Variants in CNTNAP2 observed in about 807,000 individuals in gnomAD.
The protein encoded by CNTNAP2 is contactin-associated protein-like 2.
CNTNAP2 carries 98 observed loss-of-function variants against 155.2 expected under a neutral mutation model. That is an observed-to-expected ratio of 0.63 (90% CI 0.54 to 0.75). The LOEUF is 0.75. Ranked by LOEUF, CNTNAP2 falls within the 30% of genes least tolerant of loss-of-function variation. CNTNAP2 has a pLI of 0.00. For missense variants in CNTNAP2, 1,727 were observed against 1,688.1 expected (o/e 1.02, Z -0.40); for synonymous variants, 651 against 631.2 (o/e 1.03, Z -0.47).
chr7:148,380,011 C>T (rs1164840914), intron 21 of CNTNAP2, among the ~76,000 whole-genome samples: 2 of 152,198 alleles, frequency 1.3e-5, no homozygotes, highest in African/African-American at 4.8e-5. Context: ...TAACGTATTA[C>T]CCGGAATTGT....
intron 12 of CNTNAP2, among the ~76,000 whole-genome samples, chr7:147,627,934 A>G (rs1013316406): frequency 4.1e-5 from 3 of 72,796 alleles, no homozygotes; most frequent in African/African-American, 1.7e-4. Flanking sequence ...CAAAGACAAG[A>G]AAAAAAAAAG....
chr7:148,296,420 G>A (rs1301860023), intron 21 of CNTNAP2, among the ~76,000 whole-genome samples: 10 of 151,462 alleles, frequency 6.6e-5, no homozygotes, highest in East Asian at 1.9e-4. Flanking sequence ...AGTGGCATAC[G>A]CCTGTAGTCC....
At chr7:147,956,300 CAAAA>C (rs11302995) in intron 14 of CNTNAP2, among the ~76,000 whole-genome samples, 3 of 139,208 alleles carry the variant, frequency 2.2e-5, no homozygotes, top group Non-Finnish European at 1.6e-5. Context: ...TGGCAGGGGG[CAAAA>C]AAAAAAAAAA....
At chr7:146,156,055 A>G (rs1798121371) in intron 1 of CNTNAP2, among the ~76,000 whole-genome samples, 1 of 152,090 alleles carries the variant, frequency 6.6e-6, no homozygotes, top group Non-Finnish European at 1.5e-5. Flanking sequence ...TATATCAGTC[A>G]TCCTAGAACA....
In CNTNAP2 at chr7:146,979,104, CT is replaced by C. The variant is rs939923388; in HGVS notation, c.403-64800del. Among the ~76,000 whole-genome samples the C allele has an allele frequency of 1.8e-4, 28 of 152,260 alleles. 1 individual carries two copies. The highest frequency in any genetic ancestry group is 5.8e-4 in the African/African-American group (24 of 41,574). ...GTCCAAACACCTGAGAATCAAGTGA[CT>C]TTCCCCCAGTATTGATTTTGTTAGT... On this transcript the variant is annotated intron_variant, in intron 3 of 23. Transcript: ENST00000361727.
chr7:147,894,756 A>G (rs886481802), intron 13 of CNTNAP2, among the ~76,000 whole-genome samples: 3 of 151,996 alleles, frequency 2.0e-5, no homozygotes, highest in Non-Finnish European at 2.9e-5. Flanking sequence ...CGCCAGGATC[A>G]TATTTATTTA....
intron 12 of CNTNAP2, among the ~76,000 whole-genome samples, chr7:147,620,848 C>T (rs539321983): frequency 5.9e-5 from 9 of 151,820 alleles, no homozygotes; most frequent in Non-Finnish European, 1.2e-4. Flanking sequence ...AATAACAAAA[C>T]CCTAGGGAAA....
chr7:146,275,357 A>C (rs1800147471), intron 1 of CNTNAP2, among the ~76,000 whole-genome samples: 1 of 152,204 alleles, frequency 6.6e-6, no homozygotes, highest in Admixed American at 6.5e-5. Context: ...ATTCAAACCC[A>C]GATCTTCTGA....
At chr7:146,190,171 A>C (rs2116850375) in intron 1 of CNTNAP2, among the ~76,000 whole-genome samples, 1 of 152,314 alleles carries the variant, frequency 6.6e-6, no homozygotes, top group African/African-American at 2.4e-5. Context: ...TCGTTTGTTA[A>C]TTAGGAGACT....
At chr7:146,391,986 A>G (rs900726022) in intron 1 of CNTNAP2, among the ~76,000 whole-genome samples, 1 of 152,194 alleles carries the variant, frequency 6.6e-6, no homozygotes, top group Non-Finnish European at 1.5e-5. Context: ...AACTTAAAAT[A>G]AAAGTTAAAG....
At chr7:146,229,135 G>T (rs1191397649) in intron 1 of CNTNAP2, among the ~76,000 whole-genome samples, 2 of 152,084 alleles carry the variant, frequency 1.3e-5, no homozygotes, top group African/African-American at 4.8e-5. Context: ...TGGAACCTTG[G>T]ATATGGAAGA....
chr7:147,991,379 A>G (rs1407239758), intron 15 of CNTNAP2, among the ~76,000 whole-genome samples: 1 of 152,056 alleles, frequency 6.6e-6, no homozygotes, highest in Non-Finnish European at 1.5e-5. Context: ...TGCATGAGGC[A>G]CTTCATGATA....
In CNTNAP2 at chr7:148,220,916, C is replaced by A. The variant is rs566276272; in HGVS notation, c.3247+3392C>A. On this transcript the variant is annotated intron_variant, in intron 19 of 23. Coordinates refer to ENST00000361727, the MANE Select transcript of CNTNAP2 (RefSeq NM_014141.6). ...CAGCCTCCCACTGGGCAGATAAGAA[C>A]CTTGGGTTTCTTCTCAGGTCCCTCC... Among the ~76,000 whole-genome samples the A allele has an allele frequency of 7.9e-5, 12 of 152,260 alleles. No homozygotes were observed. The East Asian group carries it at 2.1e-3, about 27-fold the overall frequency.
At chr7:148,163,990 C>T (rs926971810) in intron 17 of CNTNAP2, among the ~76,000 whole-genome samples, 5 of 152,010 alleles carry the variant, frequency 3.3e-5, no homozygotes, top group East Asian at 1.9e-4. Context: ...GCTGGAGTGC[C>T]GTGGCACAAT....
chr7:148,265,025 G>A (rs1796642716), intron 20 of CNTNAP2, among the ~76,000 whole-genome samples: 1 of 152,148 alleles, frequency 6.6e-6, no homozygotes, highest in South Asian at 2.1e-4. Context: ...AGAAGTATGA[G>A]GTGGAGATTA....
intron 18 of CNTNAP2, among the ~76,000 whole-genome samples, chr7:148,185,947 A>G (rs1363427875): frequency 6.6e-6 from 1 of 152,204 alleles, no homozygotes. Context: ...ATCATAAACC[A>G]CCTGAGGTTA....
rs142508782 is a variant in CNTNAP2, at chr7:146,535,791, A to G, written c.98-238480A>G. Among the ~76,000 whole-genome samples the G allele has an allele frequency of 3.2e-3, 493 of 151,826 alleles. 4 individuals are homozygous for G. The Middle Eastern group carries it at 0.065, about 20-fold the overall frequency. Reference sequence around the variant, plus strand: ...CTTGCTGTCCCCACTTGTAGTTCCCATTGTCTATTGTTCCCGTATTTATGT... The same window carrying G: ...CTTGCTGTCCCCACTTGTAGTTCCCGTTGTCTATTGTTCCCGTATTTATGT... On this transcript the variant is annotated intron_variant, in intron 1 of 23. Coordinates refer to ENST00000361727, the MANE Select transcript of CNTNAP2 (RefSeq NM_014141.6).
intron 2 of CNTNAP2, among the ~76,000 whole-genome samples, chr7:146,812,792 A>G (rs1053253093): frequency 6.6e-6 from 1 of 152,212 alleles, no homozygotes. Flanking sequence ...TCACAGACCC[A>G]GAGGCCTAGA....
chr7:147,014,102 G>A (rs1431230836), intron 3 of CNTNAP2, among the ~76,000 whole-genome samples: 3 of 152,124 alleles, frequency 2.0e-5, no homozygotes, highest in South Asian at 4.1e-4. Context: ...TGTTTTTCTG[G>A]CACTCAGCCC....
Sources: gnomAD v4.1 joint callset for allele counts (sites outside exome capture counted in the v4.1 genomes callset) on GRCh38, gnomAD v4.1.1 for gene constraint, MANE v1.5 for transcripts, NCBI Gene and HGNC (gene_info 2026-07-23, HGNC 2026-07-21) for gene names.